ZSWIM6: variants seen among roughly 807,000 people sequenced by gnomAD.
ZSWIM6 encodes zinc finger SWIM domain-containing protein 6.
A neutral mutation model predicts 113.2 loss-of-function variants in ZSWIM6; 9 were observed. The ratio of observed to expected loss-of-function variants is 0.08; its 90% CI spans 0.05 to 0.14. The LOEUF is 0.14. Ranked by LOEUF, ZSWIM6 falls within the 10% of genes least tolerant of loss-of-function variation. The pLI, the probability that ZSWIM6 is intolerant of heterozygous loss-of-function variation, is 1.00. For synonymous variants in ZSWIM6, 611 were observed against 606.5 expected (o/e 1.01, Z -0.11); for missense variants, 1,162 against 1,552.2 (o/e 0.75, Z 4.22).
At chr5:61,456,770 A>G (rs1747212656) in intron 1 of ZSWIM6, among the ~76,000 whole-genome samples, 1 of 152,174 alleles carries the variant, frequency 6.6e-6, no homozygotes, top group South Asian at 2.1e-4. Context: ...CAGTAGTAAG[A>G]TACAGCTGTA....
At chr5:61,344,077 TAG>T (rs893401688) in intron 1 of ZSWIM6, among the ~76,000 whole-genome samples, 20 of 152,142 alleles carry the variant, frequency 1.3e-4, no homozygotes, top group African/African-American at 4.8e-4. Context: ...GTATTTTTAG[TAG>T]AGACGGGGTT....
At chr5:61,518,816 G>T (rs1408543480) in intron 4 of ZSWIM6, among the ~76,000 whole-genome samples, 3 of 151,934 alleles carry the variant, frequency 2.0e-5, no homozygotes, top group Admixed American at 6.6e-5. Flanking sequence ...GTCAATTTTG[G>T]CTTTTTTTGC....
At chr5:61,430,552 G>C (rs1327122564) in intron 1 of ZSWIM6, among the ~76,000 whole-genome samples, 1 of 152,118 alleles carries the variant, frequency 6.6e-6, no homozygotes, top group African/African-American at 2.4e-5. Context: ...AACTGTGTGA[G>C]TCTATGTATA....
At chr5:61,505,973 C>G (rs1301639096) in intron 4 of ZSWIM6, among the ~76,000 whole-genome samples, 1 of 151,892 alleles carries the variant, frequency 6.6e-6, no homozygotes, top group Admixed American at 6.6e-5. Flanking sequence ...GTCTCGATCT[C>G]CTGACCTCAT....
chr5:61,335,103 T>A (rs1744365948), intron 1 of ZSWIM6, among the ~76,000 whole-genome samples: 1 of 152,370 alleles, frequency 6.6e-6, no homozygotes, highest in Non-Finnish European at 1.5e-5. Context: ...CTTTCATCAG[T>A]GGAAGAGGCC....
chr5:61,530,679 T>C (rs1580067201), intron 8 of ZSWIM6, among the ~76,000 whole-genome samples: 2 of 152,322 alleles, frequency 1.3e-5, no homozygotes, highest in East Asian at 3.9e-4. Flanking sequence ...AAAGCTGTGT[T>C]TTGAGATTTC....
At chr5:61,366,025 G>A (rs1579955646) in intron 1 of ZSWIM6, among the ~76,000 whole-genome samples, 1 of 152,132 alleles carries the variant, frequency 6.6e-6, no homozygotes, top group Middle Eastern at 3.4e-3. Flanking sequence ...CCCACCAGTA[G>A]CTGGGACTAC....
chr5:61,399,536 G>C (rs191959953), intron 1 of ZSWIM6, among the ~76,000 whole-genome samples: 2 of 152,128 alleles, frequency 1.3e-5, no homozygotes, highest in African/African-American at 4.8e-5. Flanking sequence ...CTTCATCTTC[G>C]TGTTCCTGAG....
chr5:61,372,844 C>T (rs949976362), intron 1 of ZSWIM6, among the ~76,000 whole-genome samples: 11 of 152,018 alleles, frequency 7.2e-5, no homozygotes, highest in Non-Finnish European at 1.6e-4. Context: ...AAATTAGCAG[C>T]GTCTTATCAT....
At chr5:61,352,298 C>A (rs1272371610) in intron 1 of ZSWIM6, among the ~76,000 whole-genome samples, 1 of 152,200 alleles carries the variant, frequency 6.6e-6, no homozygotes, top group African/African-American at 2.4e-5. Context: ...ATTGTCCTCT[C>A]CCATGAGATT....
chr5:61,452,567 A>T (rs1747107539), intron 1 of ZSWIM6, among the ~76,000 whole-genome samples: 2 of 152,184 alleles, frequency 1.3e-5, no homozygotes, highest in Admixed American at 1.3e-4. Flanking sequence ...CCATATCAAG[A>T]TTGTCTCTTT....
At chr5:61,471,497 A>G (rs1363736208) in intron 1 of ZSWIM6, among the ~76,000 whole-genome samples, 1 of 152,210 alleles carries the variant, frequency 6.6e-6, no homozygotes, top group East Asian at 1.9e-4. Flanking sequence ...AGTGCTATCC[A>G]AGGGGGATTG....
At chr5:61,446,755 T>C (rs368792179) in intron 1 of ZSWIM6, among the ~76,000 whole-genome samples, 2 of 152,350 alleles carry the variant, frequency 1.3e-5, no homozygotes, top group Non-Finnish European at 2.9e-5. Context: ...ACTTAATTTA[T>C]GAGTGCTCTT....
intron 2 of ZSWIM6, among the ~76,000 whole-genome samples, chr5:61,489,051 G>A (rs112561994): frequency 1.7e-3 from 254 of 151,982 alleles, no homozygotes; most frequent in African/African-American, 5.9e-3. Context: ...TTTTCTCCAG[G>A]ATTATCTTGT....
intron 7 of ZSWIM6, 104 bp from the exon 8 acceptor site, chr5:61,529,948 T>G (rs1314917440): frequency 9.7e-7 from 1 of 1,036,136 alleles, no homozygotes; most frequent in African/African-American, 1.6e-5. Context: ...CAGAACTGGT[T>G]TATCAGGATG....
chr5:61,363,324 G>C (rs1745072370), intron 1 of ZSWIM6, among the ~76,000 whole-genome samples: 1 of 152,212 alleles, frequency 6.6e-6, no homozygotes, highest in Admixed American at 6.5e-5. Flanking sequence ...TTGGTTATTT[G>C]AAATTGTTTG....
intron 1 of ZSWIM6, among the ~76,000 whole-genome samples, chr5:61,388,370 A>T (rs186923385): frequency 6.6e-6 from 1 of 152,202 alleles, no homozygotes; most frequent in African/African-American, 2.4e-5. Context: ...GAAACACTAC[A>T]AGTGTATTTA....
chr5:61,528,356 T>A (rs1460422537), intron 7 of ZSWIM6, among the ~76,000 whole-genome samples: 1 of 152,130 alleles, frequency 6.6e-6, no homozygotes, highest in African/African-American at 2.4e-5. Flanking sequence ...AAGCACAGCA[T>A]TTCCTTTAGC....
chr5:61,386,172 A>G (rs1194587275), intron 1 of ZSWIM6, among the ~76,000 whole-genome samples: 3 of 152,218 alleles, frequency 2.0e-5, no homozygotes, highest in Non-Finnish European at 2.9e-5. Flanking sequence ...TGCCCTGGAT[A>G]TGCCATACAT....
Sources: allele counts gnomAD v4.1 joint callset (sites outside exome capture counted in the v4.1 genomes callset), GRCh38; gene constraint gnomAD v4.1.1; transcripts MANE v1.5; gene names NCBI Gene and HGNC (gene_info 2026-07-23, HGNC 2026-07-21).